Variants in MTMR1 observed in about 807,000 individuals in gnomAD.
The protein encoded by MTMR1 is myotubularin related protein 1, also known as phosphatidylinositol-3-phosphate phosphatase MTMR1.
In MTMR1, 17 loss-of-function variants were observed where a neutral mutation model predicts 51.6. The observed-to-expected ratio is 0.33, with a 90% CI of 0.23 to 0.49. MTMR1 has a LOEUF of 0.49. Among genes scored for constraint, MTMR1 ranks in the 20% least tolerant of loss-of-function variants. MTMR1 has a pLI of 0.99. For missense variants in MTMR1, 386 were observed against 526.9 expected (o/e 0.73, Z 2.62); for synonymous variants, 201 against 205.6 (o/e 0.98, Z 0.19).
intron 3 of MTMR1, chrX:150,714,530 G>A (rs782399435): frequency 2.0e-6 from 2 of 978,652 alleles, no homozygotes; most frequent in Non-Finnish European, 2.7e-6. Context: ...AGCTGATCAG[G>A]TGGCAAGTTC....
intron 13 of MTMR1, among the ~76,000 whole-genome samples, chrX:150,745,418 C>T (rs1371244384): frequency 9.0e-6 from 1 of 111,688 alleles, no homozygotes; most frequent in Non-Finnish European, 1.9e-5. Context: ...GGGATGCTAC[C>T]AATAGCCCTG....
intron 9 of MTMR1, 54 bp from the exon 10 acceptor site, chrX:150,732,466 CTTGTTTTTCCTACCAGGTAATT>C (rs1429105442): frequency 1.1e-5 from 11 of 957,475 alleles, no homozygotes; most frequent in Admixed American, 6.7e-5. Context: ...GAGAAGGGAA[CTTGTTTTTCCTACCAGGTAATT>C]AGAGCATACA....
intron 1 of MTMR1, among the ~76,000 whole-genome samples, chrX:150,697,509 G>T (rs782125783): frequency 5.4e-5 from 6 of 111,074 alleles, no homozygotes; most frequent in Non-Finnish European, 1.1e-4. Flanking sequence ...AACTTTTGTC[G>T]GTGTTTTTAG....
At chrX:150,740,926 C>T (rs557221843) in intron 12 of MTMR1, among the ~76,000 whole-genome samples, 2 of 110,831 alleles carry the variant, frequency 1.8e-5, no homozygotes, top group Admixed American at 1.9e-4. Context: ...CTCACACACT[C>T]CCCCATCCAA....
chrX:150,717,283 C>T (rs1342675476), intron 3 of MTMR1, among the ~76,000 whole-genome samples: 6 of 99,348 alleles, frequency 6.0e-5, no homozygotes, highest in African/African-American at 1.1e-4. Context: ...TGCTTGAACC[C>T]GGGAGGCAGA....
chrX:150,750,142 G>T (rs1382257170), intron 13 of MTMR1, among the ~76,000 whole-genome samples: 2 of 111,265 alleles, frequency 1.8e-5, no homozygotes, highest in Non-Finnish European at 3.8e-5. Flanking sequence ...AAAAATTCAG[G>T]GGTGTATGGT....
rs782770370 is a variant in MTMR1, at chrX:150,723,502, C to T, written c.353-3713C>T. 4.5e-5 allele frequency among the ~76,000 whole-genome samples: 5 copies of T among 110,300 alleles called. No homozygotes were observed. In the South Asian group the frequency reaches 2.0e-3, roughly 43 times the overall value. On this transcript the variant is annotated intron_variant, in intron 4 of 15. Transcript: ENST00000445323. ...TAAAAGTGTTCCTATTTCTCCACAT[C>T]CTCTCCAGCACCTGTTGTTTCCTGA...
At chrX:150,728,021 G>T (rs1159831202) in intron 6 of MTMR1, among the ~76,000 whole-genome samples, 2 of 111,663 alleles carry the variant, frequency 1.8e-5, no homozygotes, top group African/African-American at 6.5e-5. Context: ...ATCGGTGGGG[G>T]ATTGATTCCA....
Position 150,693,543 on chromosome X carries a change from G to A in MTMR1, c.13G>A (p.Ala5Thr). 2 of 694,460 alleles carry A rather than the reference G, an allele frequency of 2.9e-6. No homozygotes were observed. Among genetic ancestry groups the A allele is most frequent in the Non-Finnish European group, 3.4e-6 (2 of 585,605 alleles). 57.2% of individuals were successfully genotyped at this position (694,460 alleles called of 1,213,427 possible). MDRP[A>T]AAAAAGCEGG... is the part of the protein sequence containing the mutation. Reference sequence around the variant, plus strand: ...GACTCGGCGCGCCATGGACAGGCCGGCGGCGGCGGCGGCGGCGGGCTGCGA... The same window carrying A: ...GACTCGGCGCGCCATGGACAGGCCGACGGCGGCGGCGGCGGCGGGCTGCGA... Residue 5 changes from alanine (A) to threonine (T), a missense_variant, in exon 1 of 16, where the codon GCG (alanine) becomes ACG (threonine). Transcript: ENST00000445323.
chrX:150,723,166 T>C (rs1381216482), intron 4 of MTMR1, among the ~76,000 whole-genome samples: 3 of 111,150 alleles, frequency 2.7e-5, no homozygotes, highest in Non-Finnish European at 5.7e-5. Flanking sequence ...TCCATGTCCC[T>C]ACAAAGGACA....
Position 150,727,699 on chromosome X carries a change from C to T in MTMR1, c.463C>T (p.Leu155Phe). The T allele has an allele frequency of 2.5e-6, 3 of 1,209,368 alleles. No homozygotes were observed. The highest frequency in any genetic ancestry group is 1.8e-5 in the South Asian group (1 of 56,565). ...TTGAACCTAGGACCCGCATTTTATC[C>T]TTGATGTTCCCCTTGGAGTGATCAG... ...KNVERDPHFI[L>F]DVPLGVISRV... is the part of the protein sequence containing the mutation. Residue 155 changes from leucine to phenylalanine, a missense_variant, in exon 6 of 16, where the codon CTT (leucine) becomes TTT (phenylalanine). Leu to Phe is a conservative substitution (Grantham distance 22). Coordinates refer to ENST00000445323, the MANE Select transcript of MTMR1 (RefSeq NM_001306144.3).
At chrX:150,707,182 C>T (rs1476120682) in intron 2 of MTMR1, among the ~76,000 whole-genome samples, 1 of 111,316 alleles carries the variant, frequency 9.0e-6, no homozygotes, top group African/African-American at 3.3e-5. Context: ...GGATCTGGGG[C>T]TAGGTAAATC....
chrX:150,760,333 G>T (rs1352012479), intron 15 of MTMR1, among the ~76,000 whole-genome samples: 2 of 108,417 alleles, frequency 1.8e-5, no homozygotes, highest in South Asian at 4.0e-4. Context: ...GGAGTGCAGG[G>T]GGGTAAACGA....
chrX:150,731,088 T>C (rs782524392), intron 8 of MTMR1, among the ~76,000 whole-genome samples: 138 of 112,452 alleles, frequency 1.2e-3, no homozygotes, highest in Middle Eastern at 4.6e-3. Context: ...TTATATTTGG[T>C]ATAATGTTTT....
intron 8 of MTMR1, 41 bp downstream of exon 8, chrX:150,730,649 G>A (rs1557416960): frequency 5.9e-6 from 5 of 845,859 alleles, no homozygotes; most frequent in Non-Finnish European, 6.5e-6. Context: ...AATAGGTTGA[G>A]CATCTTTTTC....
intron 14 of MTMR1, chrX:150,751,351 C>T (rs1193813584): frequency 2.3e-5 from 10 of 433,204 alleles, no homozygotes; most frequent in African/African-American, 1.1e-4. Context: ...AAAAGAGAAA[C>T]GTGGTCAAAA....
intron 2 of MTMR1, among the ~76,000 whole-genome samples, chrX:150,703,443 C>A (rs188614073): frequency 8.9e-6 from 1 of 112,193 alleles, no homozygotes; most frequent in Non-Finnish European, 1.9e-5. Flanking sequence ...CTTCCTTCCT[C>A]TTGCTTCATC....
chrX:150,714,175 G>C (rs1445817493), intron 3 of MTMR1, among the ~76,000 whole-genome samples: 1 of 111,698 alleles, frequency 9.0e-6, no homozygotes, highest in Non-Finnish European at 1.9e-5. Context: ...CTATTGCTTG[G>C]TTTTGAAAAG....
chrX:150,739,825 C>T (rs2042375382), intron 12 of MTMR1, among the ~76,000 whole-genome samples: 1 of 112,137 alleles, frequency 8.9e-6, no homozygotes, highest in African/African-American at 3.2e-5. Context: ...ATTGAGGTTT[C>T]AAGAGTGTGT....
Sources: allele counts gnomAD v4.1 joint callset (sites outside exome capture counted in the v4.1 genomes callset), GRCh38; gene constraint gnomAD v4.1.1; transcripts MANE v1.5; gene names NCBI Gene and HGNC (gene_info 2026-07-23, HGNC 2026-07-21).